RMST: variants seen among roughly 807,000 people sequenced by gnomAD.
RMST encodes the protein rhabdomyosarcoma 2 associated transcript, also known as long intergenic non-protein coding RNA 54.
At chr12:97,485,482 T>C (rs572132117) in intron 5 of RMST, among the ~76,000 whole-genome samples, 2 of 152,332 alleles carry the variant, frequency 1.3e-5, no homozygotes, top group Admixed American at 6.5e-5. Context: ...AATGTGGTTA[T>C]GTTATACACA....
intron 5 of RMST, among the ~76,000 whole-genome samples, chr12:97,468,330 T>C (rs1873441142): frequency 6.6e-6 from 1 of 152,030 alleles, no homozygotes; most frequent in African/African-American, 2.4e-5. Flanking sequence ...TTAATGGTGT[T>C]TATAATCTCT....
chr12:97,538,636 A>G (rs535191640), intron 11 of RMST, among the ~76,000 whole-genome samples: 145 of 151,556 alleles, frequency 9.6e-4, no homozygotes, highest in African/African-American at 3.3e-3. Context: ...TCCCTATTAG[A>G]TATTTTAAGA....
intron 11 of RMST, chr12:97,551,969 G>A (rs796820172): frequency 3.9e-5 from 6 of 152,216 alleles, no homozygotes; most frequent in African/African-American, 1.2e-4. Context: ...TGAAATGTTG[G>A]ATGAACGATT....
chr12:97,488,136 C>T (rs770860406), intron 5 of RMST, among the ~76,000 whole-genome samples: 12 of 152,104 alleles, frequency 7.9e-5, no homozygotes, highest in East Asian at 1.9e-4. Context: ...TGTAATCCAG[C>T]GCTTTGGGAG....
chr12:97,493,879 C>G (rs1012545571), exon 8 of RMST: 1 of 152,164 alleles, frequency 6.6e-6, no homozygotes, highest in Middle Eastern at 3.2e-3. Context: ...ACTTAGCATT[C>G]CATCCGTGCA....
chr12:97,485,519 T>C (rs1875985154), intron 5 of RMST, among the ~76,000 whole-genome samples: 1 of 152,216 alleles, frequency 6.6e-6, no homozygotes, highest in African/African-American at 2.4e-5. Flanking sequence ...CTGTTTGATA[T>C]CCATGATCTT....
At chr12:97,490,296 T>C (rs1876633290) in intron 5 of RMST, among the ~76,000 whole-genome samples, 1 of 152,126 alleles carries the variant, frequency 6.6e-6, no homozygotes, top group Non-Finnish European at 1.5e-5. Flanking sequence ...GATATGCCAG[T>C]TTCAACACTG....
At chr12:97,488,314 G>A (rs1461939950) in intron 5 of RMST, among the ~76,000 whole-genome samples, 2 of 152,154 alleles carry the variant, frequency 1.3e-5, no homozygotes, top group Non-Finnish European at 2.9e-5. Context: ...GGAGGTGGAG[G>A]TTGCAGCGAG....
At chr12:97,537,124 T>C (rs1234939404) in intron 11 of RMST, among the ~76,000 whole-genome samples, 1 of 151,482 alleles carries the variant, frequency 6.6e-6, no homozygotes, top group African/African-American at 2.4e-5. Flanking sequence ...GAAAGTGTTT[T>C]GTAGCAGAGA....
chr12:97,469,886 T>C (rs1386457668), intron 5 of RMST, among the ~76,000 whole-genome samples: 1 of 152,100 alleles, frequency 6.6e-6, no homozygotes, highest in African/African-American at 2.4e-5. Flanking sequence ...CCAGAGCCAA[T>C]AGGATACAAT....
chr12:97,544,955 A>G (rs995237623), intron 11 of RMST, among the ~76,000 whole-genome samples: 5 of 152,140 alleles, frequency 3.3e-5, no homozygotes, highest in African/African-American at 1.2e-4. Flanking sequence ...AAAAATTCCA[A>G]TAAATGACAT....
At position 97,507,726 on chromosome 12, in the gene RMST, T is replaced by A. The variant is rs185092626; in HGVS notation, n.1340+11670T>A. ...AACTCAAAATGTTGTGAGTGTTTCATTCTTATTTTGTATGTCTTGAGACAG... is the reference window on the plus strand; with the variant it reads ...AACTCAAAATGTTGTGAGTGTTTCAATCTTATTTTGTATGTCTTGAGACAG... On this transcript the variant is annotated intron_variant and non_coding_transcript_variant, in intron 10 of 13. Coordinates refer to ENST00000640149, the Ensembl canonical transcript of RMST. Among the ~76,000 whole-genome samples the A allele has an allele frequency of 5.9e-5, 9 of 152,332 alleles. No individual in the cohort carries two copies. In the East Asian group the frequency reaches 1.7e-3, roughly 29 times the overall value.
In RMST at chr12:97,511,752, G is replaced by C. The variant is rs1879323546; in HGVS notation, n.1340+15696G>C. On this transcript the variant is annotated intron_variant and non_coding_transcript_variant, in intron 10 of 13. Coordinates refer to ENST00000640149, the Ensembl canonical transcript of RMST. ...AAATGGAATGATTGATCTACAGAGA[G>C]ATGTTTACTTTGTAGTTGAAACTAG... Among the ~76,000 whole-genome samples, 3 of 152,190 alleles carry C rather than the reference G, an allele frequency of 2.0e-5. No homozygotes were observed. In the South Asian group the frequency reaches 6.2e-4, roughly 32 times the overall value.
Position 97,559,112 on chromosome 12 carries a change from C to CTG in RMST, n.1546-1424_1546-1423insGT, listed in dbSNP as rs541013980. 5.1e-4 allele frequency among the ~76,000 whole-genome samples: 77 copies of CTG among 152,054 alleles called. No individual in the cohort carries two copies. In the East Asian group the frequency reaches 0.013, roughly 26 times the overall value. ...TTTCTCTCTCTCTCTCTCTCTCTCT[C>CTG]TCTCTCTGATATACATTGGGTCTGG... On this transcript the variant is annotated intron_variant and non_coding_transcript_variant, in intron 11 of 13. Transcript: ENST00000640149.
rs116655472 is a variant in RMST at position 97,556,689 on chromosome 12, T to C, written n.1546-3848T>C. Among the ~76,000 whole-genome samples the C allele has an allele frequency of 4.4e-3, 674 of 152,238 alleles. 6 individuals are homozygous for C. The highest frequency in any genetic ancestry group is 0.016 in the African/African-American group (652 of 41,536). On this transcript the variant is annotated intron_variant and non_coding_transcript_variant, in intron 11 of 13. Transcript: ENST00000640149. ...CTTGGCTGGAATTTCCTGTGGTCAGTGGAGCTTGGAGCCTCTTTCTGGCTT... is the reference window on the plus strand; with the variant it reads ...CTTGGCTGGAATTTCCTGTGGTCAGCGGAGCTTGGAGCCTCTTTCTGGCTT...
intron 11 of RMST, among the ~76,000 whole-genome samples, chr12:97,546,313 G>A (rs1882926866): frequency 6.6e-6 from 1 of 152,114 alleles, no homozygotes; most frequent in African/African-American, 2.4e-5. Context: ...TGGGTGTGGT[G>A]GCTTACACCT....
chr12:97,514,560 TC>T (rs893016730), intron 10 of RMST, among the ~76,000 whole-genome samples: 2 of 152,230 alleles, frequency 1.3e-5, no homozygotes, highest in Non-Finnish European at 2.9e-5. Context: ...TGGCCAATCT[TC>T]TTTAAATTTT....
chr12:97,493,457 A>T (rs558493074), intron 7 of RMST, among the ~76,000 whole-genome samples: 1 of 152,144 alleles, frequency 6.6e-6, no homozygotes, highest in Non-Finnish European at 1.5e-5. Flanking sequence ...CAACATATAC[A>T]TTTCTCTTAT....
At chr12:97,511,051 A>G (rs1458632784) in intron 10 of RMST, among the ~76,000 whole-genome samples, 3 of 151,852 alleles carry the variant, frequency 2.0e-5, no homozygotes, top group Middle Eastern at 3.2e-3. Flanking sequence ...AATTTGTGTT[A>G]TTATTTTTGT....
Sources: gnomAD v4.1 joint callset for allele counts (sites outside exome capture counted in the v4.1 genomes callset) on GRCh38, gnomAD v4.1.1 for gene constraint, MANE v1.5 for transcripts, NCBI Gene and HGNC (gene_info 2026-07-23, HGNC 2026-07-21) for gene names.